Variants in DYNAP observed in about 807,000 individuals in gnomAD.
DYNAP encodes dynactin-associated protein.
In DYNAP, 7 loss-of-function variants were observed where a neutral mutation model predicts 8.5. The observed-to-expected ratio is 0.82, with a 90% CI of 0.47 to 1.54. The LOEUF is 1.54. Ranked by LOEUF, DYNAP falls within the 40% of genes most tolerant of loss-of-function variation. The pLI, the probability that DYNAP is intolerant of heterozygous loss-of-function variation, is 0.01. For missense variants in DYNAP, 256 were observed against 224.3 expected (o/e 1.14, Z -0.90); for synonymous variants, 77 against 77.9 (o/e 0.99, Z 0.06).
the DYNAP span, among the ~76,000 whole-genome samples, chr18:54,577,100 TAAA>T: frequency 9.2e-5 from 14 of 152,110 alleles, no homozygotes; most frequent in Non-Finnish European, 1.8e-4. Context: ...AAAAGAGAAA[TAAA>T]GAAGGTTTCT....
At chr18:54,584,623 A>C (rs149455656), upstream of DYNAP, among the ~76,000 whole-genome samples, 270 of 152,306 alleles carry the variant, frequency 1.8e-3, 3 homozygotes, top group African/African-American at 5.8e-3. Flanking sequence ...ACATTAAAAC[A>C]TCCATGGGAA....
rs1260676352 is a variant in DYNAP at position 54,598,899 on chromosome 18, G to C, written c.*754G>C. ...AGTCTGCTTTCTGAGAGATTCCTCT[G>C]CACAATAAAACTTGATCTCCACAAT... On this transcript the variant is annotated 3_prime_UTR_variant, in exon 3 of 3. Transcript: ENST00000648945. 1 of 152,008 alleles carries C rather than the reference G, an allele frequency of 6.6e-6. No homozygotes were observed. Among genetic ancestry groups the C allele is most frequent in the Non-Finnish European group, 1.5e-5 (1 of 67,982 alleles). 9.4% of individuals were successfully genotyped at this position (152,008 alleles called of 1,614,324 possible).
At chr18:54,597,381 G>C (rs1170142506) in intron 2 of DYNAP, among the ~76,000 whole-genome samples, 1 of 151,996 alleles carries the variant, frequency 6.6e-6, no homozygotes, top group Non-Finnish European at 1.5e-5. Flanking sequence ...GAACCCTAAA[G>C]TAATCTGATA....
At chr18:54,582,042 T>G in the DYNAP span, among the ~76,000 whole-genome samples, 1 of 152,182 alleles carries the variant, frequency 6.6e-6, no homozygotes, top group African/African-American at 2.4e-5. Flanking sequence ...ATCCCAGCAC[T>G]TTGGTAAGCC....
chr18:54,585,262 C>A (rs1337157138), upstream of DYNAP, among the ~76,000 whole-genome samples: 3 of 151,986 alleles, frequency 2.0e-5, no homozygotes, highest in African/African-American at 4.8e-5. Flanking sequence ...AACACTGAGG[C>A]CATAAAACTA....
chr18:54,577,963 CA>C, the DYNAP span, among the ~76,000 whole-genome samples: 42 of 132,766 alleles, frequency 3.2e-4, no homozygotes, highest in Admixed American at 4.6e-4. Context: ...GACTCAGCCT[CA>C]AAAAAAAAAA....
chr18:54,597,685 G>A lies in DYNAP; in HGVS notation c.223-128G>A, dbSNP rs903871431. On this transcript the variant is annotated intron_variant, in intron 2 of 2. Coordinates refer to ENST00000648945, the MANE Select transcript of DYNAP (RefSeq NM_173629.3). Reference sequence around the variant, plus strand: ...ACCTGCATGAAAACATGGACTTCAAGCCCATCTTTCAGAGACACATAGTGA... The same window carrying A: ...ACCTGCATGAAAACATGGACTTCAAACCCATCTTTCAGAGACACATAGTGA... The A allele has an allele frequency of 2.8e-5, 27 of 952,814 alleles. No homozygotes were observed. The Middle Eastern group carries it at 1.3e-3, about 48-fold the overall frequency. 59.0% of individuals were successfully genotyped at this position (952,814 alleles called of 1,614,324 possible). A position where few individuals can be genotyped will look rare whatever the true frequency, so the allele number is the denominator to read the frequency against.
At chr18:54,591,868 C>G (rs1313947879) in intron 1 of DYNAP, among the ~76,000 whole-genome samples, 2 of 152,030 alleles carry the variant, frequency 1.3e-5, no homozygotes, top group East Asian at 1.9e-4. Flanking sequence ...AAAAACCAAG[C>G]CTTCAGTGTA....
In DYNAP at chr18:54,598,986, A is replaced by G. The variant is rs1911426972; in HGVS notation, c.*841A>G. 2 of 152,078 alleles carry G rather than the reference A, an allele frequency of 1.3e-5. No homozygotes were observed. Among genetic ancestry groups the G allele is most frequent in the South Asian group, 2.1e-4 (1 of 4,822 alleles). The allele number at this position is 152,078 out of a possible 1,614,324, so 9.4% of individuals were successfully genotyped here. ...TCAGGTCTTCAGATAAACTAAACCA[A>G]TTGTCAACCAGAACATGTTTAAATT... On this transcript the variant is annotated 3_prime_UTR_variant, in exon 3 of 3. Transcript: ENST00000648945.
At position 54,596,052 on chromosome 18, in the gene DYNAP, CT is replaced by C. The variant is rs543759202; in HGVS notation, c.222+957del. On this transcript the variant is annotated intron_variant, in intron 2 of 2. Transcript: ENST00000648945. ...TTCAATAACATTGAGTCTGCTAGCT[CT>C]TTTTTTTATTTTTATTTTTTATTTT... is the stretch of plus-strand genomic sequence containing the variant. Among the ~76,000 whole-genome samples, 24 of 151,682 alleles carry C rather than the reference CT, an allele frequency of 1.6e-4. 1 individual carries two copies. In the East Asian group the frequency reaches 3.7e-3, roughly 23 times the overall value.
At chr18:54,576,723 A>G in the DYNAP span, among the ~76,000 whole-genome samples, 3 of 152,104 alleles carry the variant, frequency 2.0e-5, no homozygotes, top group South Asian at 6.3e-4. Context: ...GAATTGCTTG[A>G]GCCCAGGAAG....
At chr18:54,597,746 A>G in intron 2 of DYNAP, 67 bp from the exon 3 acceptor site, 1 of 1,481,724 alleles carries the variant, frequency 6.7e-7, no homozygotes, top group Non-Finnish European at 9.1e-7. Context: ...TATAAGTAAT[A>G]TAAAAGAGAT....
the DYNAP span, among the ~76,000 whole-genome samples, chr18:54,576,952 T>G: frequency 6.6e-6 from 1 of 152,260 alleles, no homozygotes; most frequent in Non-Finnish European, 1.5e-5. Context: ...TTGAAAACTT[T>G]AAAATATTCT....
intron 2 of DYNAP, among the ~76,000 whole-genome samples, chr18:54,597,357 A>G (rs1911338015): frequency 6.6e-6 from 1 of 152,072 alleles, no homozygotes; most frequent in Admixed American, 6.6e-5. Context: ...CATAGAGTGT[A>G]CACCAACAAG....
upstream of DYNAP, among the ~76,000 whole-genome samples, chr18:54,589,538 A>G (rs2144884506): frequency 1.3e-5 from 2 of 152,320 alleles, no homozygotes; most frequent in Non-Finnish European, 2.9e-5. Context: ...TCTCATTTTT[A>G]TGTTACTATT....
the DYNAP span, among the ~76,000 whole-genome samples, chr18:54,580,801 A>C: frequency 1.7e-4 from 26 of 152,198 alleles, no homozygotes; most frequent in Admixed American, 1.6e-3. Flanking sequence ...CAGCGCCATG[A>C]CATCAAATCC....
Position 54,598,299 on chromosome 18 carries a change from C to G in DYNAP, c.*154C>G. On this transcript the variant is annotated 3_prime_UTR_variant, in exon 3 of 3. Transcript: ENST00000648945. ...ATAACCGTTACAACTTCAACAAAAT[C>G]AAGTCCTACTTCAACTTAAACTTAC... 1.3e-6 allele frequency: 1 copy of G among 752,132 alleles called. No homozygotes were observed. The highest frequency in any genetic ancestry group is 2.0e-6 in the Non-Finnish European group (1 of 488,794). The allele number at this position is 752,132 out of a possible 1,614,324, so 46.6% of individuals were successfully genotyped here.
Position 54,598,850 on chromosome 18 carries a change from C to A in DYNAP, c.*705C>A, listed in dbSNP as rs968230797. 6.6e-6 allele frequency: 1 copy of A among 152,130 alleles called. No homozygotes were observed. The highest frequency in any genetic ancestry group is 2.4e-5 in the African/African-American group (1 of 41,436). The allele number at this position is 152,130 out of a possible 1,614,324, so 9.4% of individuals were successfully genotyped here. On this transcript the variant is annotated 3_prime_UTR_variant, in exon 3 of 3. Transcript: ENST00000648945. Reference sequence around the variant, plus strand: ...ACCCTTTTAGGTCTAATAAGAAACACTTTACAACCTGCTCTCTCTCTGAAG... The same window carrying A: ...ACCCTTTTAGGTCTAATAAGAAACAATTTACAACCTGCTCTCTCTCTGAAG...
At chr18:54,583,101 A>C (rs150451220), upstream of DYNAP, among the ~76,000 whole-genome samples, 9 of 152,310 alleles carry the variant, frequency 5.9e-5, no homozygotes, top group Non-Finnish European at 1.3e-4. Context: ...CACCTTAGGA[A>C]AACAGAAACC....
Sources: allele counts gnomAD v4.1 joint callset (sites outside exome capture counted in the v4.1 genomes callset), GRCh38; gene constraint gnomAD v4.1.1; transcripts MANE v1.5; gene names NCBI Gene and HGNC (gene_info 2026-07-23, HGNC 2026-07-21).